Variants in CEP295 observed in about 807,000 individuals in gnomAD.
CEP295 encodes centrosomal protein 295, also known as centrosomal protein of 295 kDa.
In CEP295, 190 loss-of-function variants were observed where a neutral mutation model predicts 291.6. That is an observed-to-expected ratio of 0.65 (90% CI 0.58 to 0.73). The LOEUF (loss-of-function observed/expected upper bound fraction) is 0.73. Among genes scored for constraint, CEP295 ranks in the 30% least tolerant of loss-of-function variants. The pLI is 0.00. For missense variants in CEP295, 2,863 were observed against 2,949.4 expected (o/e 0.97, Z 0.68); for synonymous variants, 993 against 1,038.8 (o/e 0.96, Z 0.85).
chr11:93,679,712 A>G (rs1950870531), intron 7 of CEP295, among the ~76,000 whole-genome samples, 160 bp downstream of exon 7: 1 of 152,114 alleles, frequency 6.6e-6, no homozygotes, highest in African/African-American at 2.4e-5. Flanking sequence ...TTGCCCTCCA[A>G]TTTCAAGTTC....
chr11:93,698,099 C>T lies in CEP295; in HGVS notation c.3187C>T (p.Gln1063Ter). 6.4e-7 allele frequency: 1 copy of T among 1,552,130 alleles called. No individual in the cohort carries two copies. The highest frequency in any genetic ancestry group is 8.7e-7 in the Non-Finnish European group (1 of 1,147,072). ...LHDSLKLLQE[Q>*]LTKQRDTLQA... is the part of the protein sequence containing the mutation. ...TGATAGTTTGAAGTTGCTCCAAGAA[C>T]AGTTGACTAAACAGAGGGATACTCT... Residue 1063 changes from glutamine to a stop codon, truncating the protein, a stop_gained, in exon 15 of 30, where the codon CAG becomes TAG. Transcript: ENST00000325212. LOFTEE classifies it high-confidence loss of function.
At position 93,725,804 on chromosome 11, in the gene CEP295, A is replaced by C; in HGVS notation, c.6472A>C (p.Ser2158Arg). 1 of 1,551,128 alleles carries C rather than the reference A, an allele frequency of 6.4e-7. No individual in the cohort carries two copies. Residue 2158 changes from serine (S) to arginine (R), a missense_variant, in exon 23 of 30, where the codon AGT (serine) becomes CGT (arginine). This residue lies in a region of CEP295 where 2,295 missense variants were observed against 2,335.7 expected (regional missense o/e 0.98). Transcript: ENST00000325212. ...TAACTTGGCTCATGTTGGAGCTCAC[A>C]GTTTTGCTACAGAAAATATTATTGG... is the stretch of plus-strand genomic sequence containing the variant. ...DTNLAHVGAH[S>R]FATENIIGGS... is the part of the protein sequence containing the mutation.
chr11:93,679,961 T>G (rs1269396403), intron 7 of CEP295, among the ~76,000 whole-genome samples: 1 of 152,162 alleles, frequency 6.6e-6, no homozygotes, highest in East Asian at 1.9e-4. Flanking sequence ...TCATGATCCT[T>G]GCTACCGGAG....
At chr11:93,723,493 A>C (rs1437409047) in intron 21 of CEP295, 2 of 426,430 alleles carry the variant, frequency 4.7e-6, no homozygotes, top group Non-Finnish European at 8.4e-6. Flanking sequence ...CATTTATAGG[A>C]GATTAATTAG....
chr11:93,726,825 C>A, intron 23 of CEP295, 151 bp from the exon 24 acceptor site: 1 of 538,416 alleles, frequency 1.9e-6, no homozygotes, highest in Non-Finnish European at 3.2e-6. Context: ...TGTGACCATC[C>A]TTATCTTTGT....
chr11:93,722,983 CAGGCGTGAGCCA>C, intron 20 of CEP295, 46 bp from the exon 21 acceptor site: 1 of 1,437,252 alleles, frequency 7.0e-7, no homozygotes, highest in South Asian at 1.4e-5. Context: ...GCTGGTATTA[CAGGCGTGAGCCA>C]TCACGCCTGG....
intron 10 of CEP295, among the ~76,000 whole-genome samples, chr11:93,690,580 AAG>A (rs1395878996): frequency 1.3e-5 from 2 of 149,074 alleles, no homozygotes; most frequent in Non-Finnish European, 3.0e-5. Context: ...AAAAAAAAAA[AAG>A]TGAGCCAGGC....
intron 18 of CEP295, among the ~76,000 whole-genome samples, chr11:93,710,042 CTT>C (rs1011965180): frequency 1.3e-5 from 2 of 152,086 alleles, no homozygotes; most frequent in African/African-American, 4.8e-5. Flanking sequence ...CTTGTGGAGT[CTT>C]TAGGTTTTTT....
chr11:93,717,735 AT>A (rs57711776), intron 18 of CEP295, among the ~76,000 whole-genome samples: 9 of 148,986 alleles, frequency 6.0e-5, no homozygotes, highest in South Asian at 4.3e-4. Flanking sequence ...AAGGGGTCTC[AT>A]TTTTTTTTTC....
Position 93,697,656 on chromosome 11 carries a change from C to G in CEP295, c.2744C>G (p.Pro915Arg), listed in dbSNP as rs746238573. 2 of 1,551,820 alleles carry G rather than the reference C, an allele frequency of 1.3e-6. No individual in the cohort carries two copies. ...ADLGRIQESS[P>R]TKNNIAVSSD... Reference sequence around the variant, plus strand: ...TTGGGGAGAATCCAGGAATCTTCACCAACCAAGAATAATATTGCAGTTTCC... The same window carrying G: ...TTGGGGAGAATCCAGGAATCTTCACGAACCAAGAATAATATTGCAGTTTCC... The change falls in exon 15 of 30, where the codon CCA becomes CGA. Residue 915 changes from proline to arginine, a missense_variant. Transcript: ENST00000325212.
chr11:93,674,292 A>G (rs1950584473), intron 5 of CEP295, among the ~76,000 whole-genome samples: 1 of 152,046 alleles, frequency 6.6e-6, no homozygotes, highest in African/African-American at 2.4e-5. Context: ...GTTTCTGTTC[A>G]CTTGAGTCCT....
rs1024833229 is a variant in CEP295, at chr11:93,730,242, G to T, written c.7779G>T (p.Glu2593Asp). Residue 2593 changes from glutamate to aspartate, a missense_variant, in exon 30 of 30, where the codon GAG becomes GAT. Around this residue, in one of 3 missense-constraint regions of CEP295, gnomAD observed 2,295 missense variants for 2,335.7 expected, o/e 0.98. Coordinates refer to ENST00000325212, the MANE Select transcript of CEP295 (RefSeq NM_033395.2). ...TATTCCTTCCACAGAAAACACTAGA[G>T]AAACTTCGAGCCAAAAATACATGCT... The part of the protein sequence containing the change: ...RAKEFHKKTL[E>D]KLRAKNTC The T allele has an allele frequency of 7.1e-6, 11 of 1,550,990 alleles. No individual in the cohort carries two copies. The African/African-American group carries it at 1.2e-4, about 17-fold the overall frequency.
At chr11:93,721,787 A>G (rs1012415369) in intron 19 of CEP295, 167 bp from the exon 20 acceptor site, 5 of 729,714 alleles carry the variant, frequency 6.9e-6, no homozygotes, top group Non-Finnish European at 1.2e-5. Context: ...ATGAAAGCCT[A>G]ATCATTTCTG....
intron 10 of CEP295, 118 bp downstream of exon 10, chr11:93,687,983 T>C: frequency 1.6e-6 from 1 of 606,820 alleles, no homozygotes; most frequent in Non-Finnish European, 2.7e-6. Context: ...TCCTGCTAAT[T>C]AAAAGCAACA....
chr11:93,697,921 AT>A lies in CEP295; in HGVS notation c.3012del (p.Phe1004LeufsTer41). On this transcript the variant is annotated frameshift_variant, in exon 15 of 30. Coordinates refer to ENST00000325212, the MANE Select transcript of CEP295 (RefSeq NM_033395.2). LOFTEE classifies it high-confidence loss of function. ...SFPFQVAQHT[F>X]TSLPSADTKS... is the part of the protein sequence containing the mutation. ...TCCCATTTCAGGTAGCTCAGCATAC[AT>A]TTACTTCACTACCATCTGCTGATAC... is the stretch of plus-strand genomic sequence containing the variant. The A allele has an allele frequency of 6.4e-7, 1 of 1,551,694 alleles. No individual in the cohort carries two copies. Among genetic ancestry groups the A allele is most frequent in the South Asian group, 1.2e-5 (1 of 84,062 alleles).
Position 93,667,098 on chromosome 11 carries a change from T to C in CEP295, c.108+283T>C, listed in dbSNP as rs199634085. On this transcript the variant is annotated intron_variant, in intron 2 of 29. Coordinates refer to ENST00000325212, the MANE Select transcript of CEP295 (RefSeq NM_033395.2). ...TGTAATTGGTAACAGGAAGCTTAGA[T>C]GACTTTGAAGAATGCTAATTGGAAA... is the stretch of plus-strand genomic sequence containing the variant. 1.1e-4 allele frequency among the ~76,000 whole-genome samples: 17 copies of C among 152,378 alleles called. No homozygotes were observed. The East Asian group carries it at 1.9e-3, about 17-fold the overall frequency.
At position 93,696,961 on chromosome 11, in the gene CEP295, A is replaced by G. The variant is rs1444683473; in HGVS notation, c.2049A>G (p.Pro683=). The part of the protein sequence containing the change: ...HFQVARQNHF[P]QRQVETTETL... ...AGGTAGCGAGACAAAATCACTTTCC[A>G]CAAAGACAGGTGGAAACAACAGAAA... The change falls in exon 15 of 30, where the codon CCA becomes CCG. Residue 683 remains proline (P), a synonymous_variant. Transcript: ENST00000325212. 5.2e-6 allele frequency: 8 copies of G among 1,551,952 alleles called. No homozygotes were observed. The highest frequency in any genetic ancestry group is 6.1e-6 in the Non-Finnish European group (7 of 1,147,040).
chr11:93,728,607 T>C (rs1465715221), intron 24 of CEP295, 74 bp from the exon 25 acceptor site: 2 of 1,343,148 alleles, frequency 1.5e-6, no homozygotes, highest in African/African-American at 3.0e-5. Flanking sequence ...AAAATGTGCA[T>C]TATATACAAA....
At chr11:93,695,957 G>A (rs958448036) in intron 13 of CEP295, among the ~76,000 whole-genome samples, 45 of 152,178 alleles carry the variant, frequency 3.0e-4, no homozygotes, top group African/African-American at 9.9e-4. Flanking sequence ...GTTGCAGAGT[G>A]AGATTCCATC....
Sources: allele counts gnomAD v4.1 joint callset (sites outside exome capture counted in the v4.1 genomes callset), GRCh38; gene constraint gnomAD v4.1.1; regional missense constraint gnomAD v4.1.1; transcripts MANE v1.5; gene names NCBI Gene and HGNC (gene_info 2026-07-23, HGNC 2026-07-21).